RPRD1B: variants seen among roughly 807,000 people sequenced by gnomAD.
The protein encoded by RPRD1B is regulation of nuclear pre-mRNA domain-containing protein 1B.
In RPRD1B, 11 loss-of-function variants were observed where a neutral mutation model predicts 41.5. That is an observed-to-expected ratio of 0.27 (90% confidence interval 0.17 to 0.44). The LOEUF is 0.44. RPRD1B is among the 20% of genes least tolerant of loss of function. RPRD1B has a pLI of 1.00. For synonymous variants in RPRD1B, 158 were observed against 155.6 expected (o/e 1.02, Z -0.12); for missense variants, 248 against 389.9 (o/e 0.64, Z 3.06).
chr20:38,081,272 AT>A lies in RPRD1B; in HGVS notation c.832-8449del, dbSNP rs56015025. Among the ~76,000 whole-genome samples, 1,123 of 151,200 alleles carry A rather than the reference AT, an allele frequency of 7.4e-3. 6 individuals are homozygous for A. The highest frequency in any genetic ancestry group is 0.012 in the Non-Finnish European group (833 of 67,836). Reference sequence around the variant, plus strand: ...GTGTTTTGTAATTCTTGTTGTCGAGATTTTTCACCTCCCTGATTAGCTGTAT... The same window carrying A: ...GTGTTTTGTAATTCTTGTTGTCGAGATTTTCACCTCCCTGATTAGCTGTAT... On this transcript the variant is annotated intron_variant, in intron 6 of 6. Coordinates refer to ENST00000373433, the MANE Select transcript of RPRD1B (RefSeq NM_021215.4).
chr20:38,066,079 A>T lies in RPRD1B; in HGVS notation c.656-2A>T. 1 of 1,613,970 alleles carries T rather than the reference A, an allele frequency of 6.2e-7. No individual in the cohort carries two copies. Among genetic ancestry groups the T allele is most frequent in the Non-Finnish European group, 8.5e-7 (1 of 1,179,876 alleles). On this transcript the variant is annotated splice_acceptor_variant, in intron 5 of 6. Coordinates refer to ENST00000373433, the MANE Select transcript of RPRD1B (RefSeq NM_021215.4). LOFTEE classifies it high-confidence loss of function. ...CTATTTTTTGGTCTCATTTGTACTTAGACAAAGAGGCAGCTGAACGTCTTT... is the reference window on the plus strand; with the variant it reads ...CTATTTTTTGGTCTCATTTGTACTTTGACAAAGAGGCAGCTGAACGTCTTT...
chr20:38,074,740 G>A (rs532178890), intron 6 of RPRD1B, among the ~76,000 whole-genome samples: 1 of 152,230 alleles, frequency 6.6e-6, no homozygotes, highest in East Asian at 1.9e-4. Flanking sequence ...CTAGTACTCA[G>A]GGTTTTTGTT....
chr20:38,059,837 TTCTG>T (rs1358216362), intron 5 of RPRD1B, among the ~76,000 whole-genome samples: 1 of 152,136 alleles, frequency 6.6e-6, no homozygotes, highest in African/African-American at 2.4e-5. Context: ...TTAGGTATTA[TTCTG>T]TCTGTTAGAC....
chr20:38,065,941 C>A (rs1040059299), intron 5 of RPRD1B, 140 bp from the exon 6 acceptor site: 8 of 746,846 alleles, frequency 1.1e-5, no homozygotes, highest in Non-Finnish European at 1.3e-5. Context: ...TTAATCAACT[C>A]ATTGTTTGTC....
In RPRD1B at chr20:38,052,629, T is replaced by C. The variant is rs74844899; in HGVS notation, c.415+4148T>C. Among the ~76,000 whole-genome samples the C allele has an allele frequency of 1.6e-4, 24 of 152,250 alleles. 1 individual carries two copies. The East Asian group carries it at 4.6e-3, about 29-fold the overall frequency. ...AAAAGTAATATAAAGTCTATAGGTG[T>C]GGTTTTTTTTGTTGTTGTTAACTAG... On this transcript the variant is annotated intron_variant, in intron 3 of 6. Transcript: ENST00000373433.
intron 5 of RPRD1B, among the ~76,000 whole-genome samples, chr20:38,061,832 T>G (rs1470415082): frequency 6.6e-6 from 1 of 152,194 alleles, no homozygotes; most frequent in Non-Finnish European, 1.5e-5. Flanking sequence ...TTTCTTCACT[T>G]GGTGTAGTAG....
At chr20:38,048,139 C>A (rs576542735) in intron 2 of RPRD1B, among the ~76,000 whole-genome samples, 1 of 152,192 alleles carries the variant, frequency 6.6e-6, no homozygotes, top group Admixed American at 6.5e-5. Flanking sequence ...TATTTGATTT[C>A]AATTATGGCA....
intron 6 of RPRD1B, among the ~76,000 whole-genome samples, chr20:38,080,393 G>C (rs111735373): frequency 0.018 from 2,687 of 152,306 alleles, 33 homozygotes; most frequent in Non-Finnish European, 0.025. Context: ...AAAGGAATGG[G>C]TCCAGTTTTA....
At chr20:38,035,772 T>G (rs538152331) in intron 1 of RPRD1B, among the ~76,000 whole-genome samples, 1 of 152,022 alleles carries the variant, frequency 6.6e-6, no homozygotes, top group South Asian at 2.1e-4. Flanking sequence ...TTTTTTGTTT[T>G]TTTTTTTTTG....
At position 38,077,238 on chromosome 20, in the gene RPRD1B, T is replaced by C. The variant is rs1375812217; in HGVS notation, c.831+10982T>C. ...AGGCCTGGACCTTTTCCTTGAGTGC[T>C]TTATACTTAGGCTGGCTTCAGTTAC... On this transcript the variant is annotated intron_variant, in intron 6 of 6. Transcript: ENST00000373433. 2.0e-5 allele frequency among the ~76,000 whole-genome samples: 3 copies of C among 152,154 alleles called. No homozygotes were observed. In the East Asian group the frequency reaches 5.8e-4, roughly 29 times the overall value.
chr20:38,033,763 T>TGGC lies in RPRD1B; in HGVS notation c.-177_-175dup. The TGGC allele has an allele frequency of 1.7e-6, 1 of 585,290 alleles. No individual in the cohort carries two copies. The highest frequency in any genetic ancestry group is 2.9e-6 in the Non-Finnish European group (1 of 340,890). The allele number at this position is 585,290 out of a possible 1,614,324, so 36.3% of individuals were successfully genotyped here. A position where few individuals can be genotyped will look rare whatever the true frequency, so the allele number is the denominator to read the frequency against. On this transcript the variant is annotated 5_prime_UTR_variant, in exon 1 of 7. Transcript: ENST00000373433. ...GGTGAGAGGTCGGGTGGCCATCTTG[T>TGGC]GGCGGCGGCGCGGGCGGCTGTTACT...
intron 6 of RPRD1B, among the ~76,000 whole-genome samples, chr20:38,068,014 G>C (rs892015582): frequency 6.6e-6 from 1 of 152,196 alleles, no homozygotes; most frequent in Non-Finnish European, 1.5e-5. Flanking sequence ...GGTAGAGCTG[G>C]TTAACTCTTT....
intron 6 of RPRD1B, among the ~76,000 whole-genome samples, chr20:38,086,851 T>C (rs1450174223): frequency 2.0e-5 from 3 of 152,216 alleles, no homozygotes; most frequent in African/African-American, 7.2e-5. Flanking sequence ...TCTTCGGTAA[T>C]GTCCAGAATA....
intron 6 of RPRD1B, among the ~76,000 whole-genome samples, chr20:38,087,178 T>A (rs1291066287): frequency 6.6e-6 from 1 of 152,202 alleles, no homozygotes; most frequent in Non-Finnish European, 1.5e-5. Context: ...CAGGCTGGTC[T>A]TGAACTCCTG....
chr20:38,067,840 T>G (rs2074372550), intron 6 of RPRD1B, among the ~76,000 whole-genome samples: 1 of 152,252 alleles, frequency 6.6e-6, no homozygotes, highest in Admixed American at 6.5e-5. Flanking sequence ...AGAGTGTAAT[T>G]AATGATTCTG....
rs770885281 is a variant in RPRD1B at position 38,069,347 on chromosome 20, A to G, written c.831+3091A>G. On this transcript the variant is annotated intron_variant, in intron 6 of 6. Transcript: ENST00000373433. ...AAACCAAACCACTTGATCGTACATA[A>G]TGTAGATTAAGGAGGCATTTGGCGG... 3.9e-5 allele frequency among the ~76,000 whole-genome samples: 6 copies of G among 152,340 alleles called. No individual in the cohort carries two copies. The South Asian group carries it at 6.2e-4, about 16-fold the overall frequency.
chr20:38,051,917 A>C (rs553628963), intron 3 of RPRD1B, among the ~76,000 whole-genome samples: 8 of 152,124 alleles, frequency 5.3e-5, no homozygotes, highest in Admixed American at 1.3e-4. Flanking sequence ...ACGCCTGGCT[A>C]ATTTTGTATT....
intron 5 of RPRD1B, among the ~76,000 whole-genome samples, chr20:38,062,506 T>A (rs982138843): frequency 6.6e-6 from 1 of 152,140 alleles, no homozygotes; most frequent in Non-Finnish European, 1.5e-5. Flanking sequence ...TTCTGACCTT[T>A]CCTCTAAAAC....
intron 6 of RPRD1B, among the ~76,000 whole-genome samples, chr20:38,078,349 C>T (rs2074483893): frequency 6.6e-6 from 1 of 152,152 alleles, no homozygotes; most frequent in Admixed American, 6.5e-5. Flanking sequence ...GCCCAGGACA[C>T]ACTTCCCCTT....
Sources: allele counts gnomAD v4.1 joint callset (sites outside exome capture counted in the v4.1 genomes callset), GRCh38; gene constraint gnomAD v4.1.1; transcripts MANE v1.5; gene names NCBI Gene and HGNC (gene_info 2026-07-23, HGNC 2026-07-21).